Variants in NRXN3 observed in about 807,000 individuals in gnomAD.
The protein encoded by NRXN3 is neurexin 3, also known as neurexin III.
NRXN3 carries 32 observed loss-of-function variants against 137.6 expected under a neutral mutation model. The ratio of observed to expected loss-of-function variants is 0.23; its 90% CI spans 0.18 to 0.31. The LOEUF is 0.31. Ranked by LOEUF, NRXN3 falls within the 10% of genes least tolerant of loss-of-function variation. NRXN3 has a pLI of 1.00. For synonymous variants in NRXN3, 798 were observed against 784.5 expected, an observed-to-expected ratio of 1.02 and a Z score of -0.29; for missense variants, 1,574 against 2,062.5, an observed-to-expected ratio of 0.76 and a Z score of 4.59.
intron 8 of NRXN3, among the ~76,000 whole-genome samples, chr14:78,799,922 G>T (rs2098833493): frequency 6.6e-6 from 1 of 152,014 alleles, no homozygotes; most frequent in Admixed American, 6.6e-5. Flanking sequence ...CCAATATGTG[G>T]GAATTATTGG....
At chr14:79,503,627 T>G (rs151229024) in intron 16 of NRXN3, among the ~76,000 whole-genome samples, 79 of 152,332 alleles carry the variant, frequency 5.2e-4, no homozygotes, top group African/African-American at 1.9e-3. Flanking sequence ...CTGCCTTCTG[T>G]TCCCCTATGG....
chr14:79,631,561 G>A (rs1260917383), intron 16 of NRXN3, among the ~76,000 whole-genome samples: 1 of 152,256 alleles, frequency 6.6e-6, no homozygotes, highest in Non-Finnish European at 1.5e-5. Context: ...TGCTGGGCTT[G>A]AAAAGGGACG....
intron 8 of NRXN3, among the ~76,000 whole-genome samples, chr14:78,762,008 G>C (rs951422132): frequency 6.6e-6 from 1 of 152,148 alleles, no homozygotes; most frequent in Non-Finnish European, 1.5e-5. Context: ...GGCTCAGATG[G>C]ATTCATTTAC....
intron 19 of NRXN3, among the ~76,000 whole-genome samples, chr14:79,800,750 A>T (rs1246807662): frequency 6.6e-6 from 1 of 152,232 alleles, no homozygotes; most frequent in African/African-American, 2.4e-5. Flanking sequence ...GAAAAAGAAC[A>T]CAGACTGAAA....
intron 4 of NRXN3, among the ~76,000 whole-genome samples, chr14:78,609,970 T>C (rs1043002913): frequency 2.6e-5 from 4 of 151,836 alleles, no homozygotes; most frequent in Non-Finnish European, 5.9e-5. Flanking sequence ...AATTCACAGC[T>C]GTCTTTACCT....
At chr14:79,758,583 TG>T (rs1477213619) in intron 19 of NRXN3, among the ~76,000 whole-genome samples, 1 of 152,134 alleles carries the variant, frequency 6.6e-6, no homozygotes, top group Non-Finnish European at 1.5e-5. Context: ...CATTTCAACA[TG>T]GGATCTGGAG....
rs374409181 is a variant in NRXN3 at position 79,386,740 on chromosome 14, G to A, written c.3263-80481G>A. Among the ~76,000 whole-genome samples, 331 of 152,190 alleles carry A rather than the reference G, an allele frequency of 2.2e-3. 18 individuals carry two copies. In the South Asian group the frequency reaches 0.065, roughly 30 times the overall value. The stretch of plus-strand genomic sequence containing the variant: ...CAGTAACCAAAACAGCATGGTACTG[G>A]TACCAAAACAGAGATATAGATCAAT... On this transcript the variant is annotated intron_variant, in intron 15 of 20. Transcript: ENST00000335750.
chr14:78,640,854 T>C (rs777521828), intron 4 of NRXN3, among the ~76,000 whole-genome samples: 4 of 152,354 alleles, frequency 2.6e-5, no homozygotes, highest in Admixed American at 2.0e-4. Context: ...TTTACACTTA[T>C]GCAGTTGATT....
At chr14:78,219,004 T>C (rs887483099) in intron 1 of NRXN3, among the ~76,000 whole-genome samples, 10 of 152,190 alleles carry the variant, frequency 6.6e-5, no homozygotes, top group African/African-American at 2.4e-4. Flanking sequence ...TCCCTCTGCG[T>C]GTATCTGTGT....
chr14:78,422,540 G>A (rs1175476073), intron 4 of NRXN3, among the ~76,000 whole-genome samples: 2 of 152,180 alleles, frequency 1.3e-5, no homozygotes, highest in Non-Finnish European at 2.9e-5. Context: ...TCTTAGCAGA[G>A]TCACTGTATA....
chr14:79,018,505 T>A (rs1451855902), intron 15 of NRXN3, among the ~76,000 whole-genome samples: 2 of 152,108 alleles, frequency 1.3e-5, no homozygotes, highest in Non-Finnish European at 2.9e-5. Context: ...ATCTCTATGA[T>A]AAGAATTTTA....
chr14:78,387,070 C>T lies in NRXN3; in HGVS notation c.757+89210C>T, dbSNP rs368037090. On this transcript the variant is annotated intron_variant, in intron 4 of 20. Transcript: ENST00000335750. ...TGCTGGGATTACAGGTGTGAGCCAC[C>T]GCACCCGGCCTATACTTAATATTGT... 5.9e-5 allele frequency among the ~76,000 whole-genome samples: 9 copies of T among 152,202 alleles called. 1 individual carries two copies. Among genetic ancestry groups the T allele is most frequent in the Middle Eastern group, 6.8e-3 (2 of 294 alleles).
At position 79,283,156 on chromosome 14, in the gene NRXN3, A is replaced by G. The variant is rs374997050; in HGVS notation, c.3263-184065A>G. On this transcript the variant is annotated intron_variant, in intron 15 of 20. Transcript: ENST00000335750. ...GTGGTAGGAGGCATGGCACCAAGAG[A>G]CTGATGGTTGTTATTGATGATTTAC... is the stretch of plus-strand genomic sequence containing the variant. Among the ~76,000 whole-genome samples the G allele has an allele frequency of 1.5e-3, 230 of 152,286 alleles. 5 individuals are homozygous for G. In the South Asian group the frequency reaches 0.029, roughly 19 times the overall value.
intron 15 of NRXN3, among the ~76,000 whole-genome samples, chr14:79,003,942 G>C (rs2099547010): frequency 6.6e-6 from 1 of 152,158 alleles, no homozygotes; most frequent in African/African-American, 2.4e-5. Flanking sequence ...AATGTGATAA[G>C]TGTGATTGCT....
At chr14:79,104,107 G>T (rs1382084054) in intron 15 of NRXN3, among the ~76,000 whole-genome samples, 1 of 152,120 alleles carries the variant, frequency 6.6e-6, no homozygotes, top group African/African-American at 2.4e-5. Flanking sequence ...TTGTTATCAG[G>T]GAAGTCTTCT....
At chr14:79,134,139 A>G (rs2057967665) in intron 15 of NRXN3, among the ~76,000 whole-genome samples, 2 of 133,006 alleles carry the variant, frequency 1.5e-5, no homozygotes, top group Admixed American at 1.7e-4. Flanking sequence ...CCAAAAATTA[A>G]TAAGTTAAGT....
chr14:78,832,202 G>C (rs1271448479), intron 10 of NRXN3, among the ~76,000 whole-genome samples: 1 of 152,002 alleles, frequency 6.6e-6, no homozygotes, highest in Non-Finnish European at 1.5e-5. Context: ...CAAGTTTTCT[G>C]GTTGCATATA....
intron 4 of NRXN3, chr14:78,615,028 C>T (rs1049687501): frequency 1.1e-5 from 5 of 456,458 alleles, no homozygotes; most frequent in African/African-American, 8.0e-5. Flanking sequence ...GGGATCTTGA[C>T]GAAGGTAGGG....
At chr14:79,745,055 GT>G (rs2098975389) in intron 19 of NRXN3, among the ~76,000 whole-genome samples, 1 of 150,422 alleles carries the variant, frequency 6.6e-6, no homozygotes, top group Non-Finnish European at 1.5e-5. Context: ...AAGGCACATT[GT>G]TTTTAGCTAA....
Sources: gnomAD v4.1 joint callset for allele counts (sites outside exome capture counted in the v4.1 genomes callset) on GRCh38, gnomAD v4.1.1 for gene constraint, MANE v1.5 for transcripts, NCBI Gene and HGNC (gene_info 2026-07-23, HGNC 2026-07-21) for gene names.